The following TAB2 variants were observed in gnomAD, a reference collection of about 807,000 sequenced individuals.
TAB2 encodes TGF-beta-activated kinase 1 and MAP3K7-binding protein 2.
TAB2 carries 3 observed loss-of-function variants against 65.0 expected under a neutral mutation model. The observed-to-expected ratio is 0.05, with a 90% CI of 0.02 to 0.12. The LOEUF (loss-of-function observed/expected upper bound fraction) is 0.12. Among genes scored for constraint, TAB2 ranks in the 10% least tolerant of loss-of-function variants. The probability of loss-of-function intolerance (pLI) is 1.00; values close to 1 mark genes in which losing one functional copy is unlikely to be tolerated. For synonymous variants in TAB2, 298 were observed against 285.1 expected (o/e 1.05, Z -0.46); for missense variants, 623 against 840.3 (o/e 0.74, Z 3.20).
chr6:149,369,542 CTT>C (rs887250805), intron 1 of TAB2, among the ~76,000 whole-genome samples: 2 of 152,090 alleles, frequency 1.3e-5, no homozygotes, highest in African/African-American at 4.8e-5. Flanking sequence ...AGTATCCAAA[CTT>C]TAAGAATTTA....
At chr6:149,341,355 G>A (rs1477982944) in intron 1 of TAB2, among the ~76,000 whole-genome samples, 6 of 152,218 alleles carry the variant, frequency 3.9e-5, no homozygotes, top group Non-Finnish European at 5.9e-5. Context: ...TATTTAAACC[G>A]AAAGCCTGCT....
intron 1 of TAB2, among the ~76,000 whole-genome samples, chr6:149,362,344 C>T (rs1370197762): frequency 6.6e-6 from 1 of 152,178 alleles, no homozygotes; most frequent in African/African-American, 2.4e-5. Flanking sequence ...AAGCTTACAG[C>T]TATGGCAGAA....
At chr6:149,257,187 C>T (rs1778054730) in intron 1 of TAB2, among the ~76,000 whole-genome samples, 1 of 152,170 alleles carries the variant, frequency 6.6e-6, no homozygotes. Context: ...CATCTTACAA[C>T]ACCCAGTAAG....
chr6:149,284,924 C>T (rs776736785), intron 1 of TAB2, among the ~76,000 whole-genome samples: 1 of 152,180 alleles, frequency 6.6e-6, no homozygotes, highest in Non-Finnish European at 1.5e-5. Context: ...CCACACCTTC[C>T]TAATGCCCAC....
chr6:149,330,405 C>T (rs1485800063), intron 1 of TAB2, among the ~76,000 whole-genome samples: 1 of 152,106 alleles, frequency 6.6e-6, no homozygotes, highest in African/African-American at 2.4e-5. Context: ...TTTTACATTC[C>T]CAGCAGCAAT....
intron 1 of TAB2, among the ~76,000 whole-genome samples, chr6:149,238,155 C>G (rs1158235895): frequency 6.6e-6 from 1 of 152,144 alleles, no homozygotes; most frequent in East Asian, 1.9e-4. Context: ...CTTTGGAGTT[C>G]CCAACACCCA....
intron 1 of TAB2, chr6:149,244,069 C>T (rs1040041118): frequency 6.6e-6 from 1 of 152,222 alleles, no homozygotes; most frequent in African/African-American, 2.4e-5. Context: ...CAGTTTGGAA[C>T]ATGACTGATA....
chr6:149,313,439 C>T (rs1328462636), upstream of TAB2, among the ~76,000 whole-genome samples: 1 of 152,192 alleles, frequency 6.6e-6, no homozygotes, highest in Non-Finnish European at 1.5e-5. Context: ...ACCTCTCCGT[C>T]CAGGGTTGCT....
chr6:149,285,552 T>C (rs750106093), intron 1 of TAB2, among the ~76,000 whole-genome samples: 7 of 152,208 alleles, frequency 4.6e-5, no homozygotes, highest in Admixed American at 2.0e-4. Context: ...ACATAAGGTG[T>C]GAAAGAGGGA....
chr6:149,305,264 T>C (rs9485380), intron 1 of TAB2, among the ~76,000 whole-genome samples: 7,373 of 152,242 alleles, frequency 0.048, 572 homozygotes, highest in African/African-American at 0.16. Context: ...GATATATTGA[T>C]TATTAGTATA....
Position 149,378,114 on chromosome 6 carries a change from G to A in TAB2, c.199G>A (p.Gly67Arg), listed in dbSNP as rs774320157. The A allele has an allele frequency of 6.2e-7, 1 of 1,614,106 alleles. No individual in the cohort carries two copies. The highest frequency in any genetic ancestry group is 8.5e-7 in the Non-Finnish European group (1 of 1,180,016). The change falls in exon 3 of 7, where the codon GGA (glycine) becomes AGA (arginine). Residue 67 changes from glycine (G) to arginine (R), a missense_variant. Physicochemically the swap from Gly to Arg is moderately radical, Grantham distance 125. Around this residue, in one of 3 missense-constraint regions of TAB2, gnomAD observed 550 missense variants for 665.7 expected, o/e 0.83. Coordinates refer to ENST00000637181, the MANE Select transcript of TAB2 (RefSeq NM_001292034.3). ...EGDLNFSDDS[G>R]ISGLRNHMTS... is the part of the protein sequence containing the mutation. ...AGACTTGAATTTTTCAGATGATTCT[G>A]GAATTTCTGGTCTACGCAATCACAT...
intron 1 of TAB2, among the ~76,000 whole-genome samples, chr6:149,339,596 TATTTA>T (rs1562422735): frequency 4.8e-5 from 1 of 20,624 alleles, no homozygotes; most frequent in Non-Finnish European, 1.3e-4. Context: ...TTTATTTATT[TATTTA>T]TTTATTTTTT....
rs566302032 is a variant in TAB2, at chr6:149,347,982, CA to C, written c.-89-21926del. Among the ~76,000 whole-genome samples the C allele has an allele frequency of 7.2e-5, 11 of 152,152 alleles. No homozygotes were observed. The East Asian group carries it at 2.1e-3, about 29-fold the overall frequency. Reference sequence around the variant, plus strand: ...TAATTTAAAAAATTATAGCATCATCCAGCTATTCTGACTGCATTATCAACAC... The same window carrying C: ...TAATTTAAAAAATTATAGCATCATCCGCTATTCTGACTGCATTATCAACAC... On this transcript the variant is annotated intron_variant, in intron 1 of 6. Transcript: ENST00000637181.
intron 1 of TAB2, among the ~76,000 whole-genome samples, chr6:149,308,022 C>T (rs1779099582): frequency 6.6e-6 from 1 of 152,100 alleles, no homozygotes. Flanking sequence ...TATATTATGA[C>T]ATCTTTTCAT....
At chr6:149,397,294 A>T (rs1392886677) in intron 3 of TAB2, among the ~76,000 whole-genome samples, 2 of 152,040 alleles carry the variant, frequency 1.3e-5, no homozygotes, top group African/African-American at 2.4e-5. Context: ...ATACAAAATT[A>T]GTGGGGTGTG....
chr6:149,346,448 CTTTTTT>C lies in TAB2; in HGVS notation c.-89-23444_-89-23439del, dbSNP rs11399281. On this transcript the variant is annotated intron_variant, in intron 1 of 6. Transcript: ENST00000637181. ...ATGGGGATCAGATCAGTTGGTGAAACTTTTTTTTTTTTTTTTTTTTTTGAGACAGAG... is the reference window on the plus strand; with the variant it reads ...ATGGGGATCAGATCAGTTGGTGAAACTTTTTTTTTTTTTTTTGAGACAGAG... The C allele has an allele frequency of 7.2e-3, 811 of 113,416 alleles. 9 individuals are homozygous for C. Among genetic ancestry groups the C allele is most frequent in the African/African-American group, 0.026 (734 of 28,710 alleles). The allele number at this position is 113,416 out of a possible 1,614,324, so 7.0% of individuals were successfully genotyped here. A position where few individuals can be genotyped will look rare whatever the true frequency, so the allele number is the denominator to read the frequency against.
At chr6:149,266,313 G>C (rs962239963) in intron 1 of TAB2, among the ~76,000 whole-genome samples, 45 of 152,160 alleles carry the variant, frequency 3.0e-4, no homozygotes, top group African/African-American at 1.1e-3. Flanking sequence ...CTTTGTCCGG[G>C]AGAGAAGTTG....
intron 1 of TAB2, among the ~76,000 whole-genome samples, chr6:149,350,383 G>C (rs1208591844): frequency 1.3e-5 from 2 of 152,094 alleles, no homozygotes; most frequent in African/African-American, 4.8e-5. Flanking sequence ...ACTTTTATGA[G>C]ATAACTTCCT....
intron 6 of TAB2, chr6:149,400,562 G>A (rs1261453785): frequency 1.2e-6 from 2 of 1,614,130 alleles, no homozygotes; most frequent in Non-Finnish European, 1.7e-6. Flanking sequence ...CAGTGAAGCA[G>A]ATCAGATTCC....
Sources: gnomAD v4.1 joint callset for allele counts (sites outside exome capture counted in the v4.1 genomes callset) on GRCh38, gnomAD v4.1.1 for gene constraint, gnomAD v4.1.1 regional missense constraint, MANE v1.5 for transcripts, NCBI Gene and HGNC (gene_info 2026-07-23, HGNC 2026-07-21) for gene names.